The following EPB41L2 variants were observed in gnomAD, a reference collection of about 807,000 sequenced individuals.
EPB41L2 encodes band 4.1-like protein 2.
In EPB41L2, 43 loss-of-function variants were observed where a neutral mutation model predicts 113.0. The observed-to-expected ratio is 0.38, with a 90% CI of 0.30 to 0.49. The LOEUF (loss-of-function observed/expected upper bound fraction) is 0.49, where lower values mean the gene tolerates loss of function less well. Among genes scored for constraint, EPB41L2 ranks in the 20% least tolerant of loss-of-function variants. The pLI, the probability that EPB41L2 is intolerant of heterozygous loss-of-function variation, is 0.95. For synonymous variants in EPB41L2, 442 were observed against 436.7 expected, an observed-to-expected ratio of 1.01 and a Z score of -0.15; for missense variants, 1,147 against 1,223.4, an observed-to-expected ratio of 0.94 and a Z score of 0.93.
At chr6:130,950,116 T>G (rs1814362468) in intron 3 of EPB41L2, among the ~76,000 whole-genome samples, 1 of 152,180 alleles carries the variant, frequency 6.6e-6, no homozygotes, top group Non-Finnish European at 1.5e-5. Context: ...GGGTCAACTG[T>G]ATTTCAAATT....
At position 130,956,187 on chromosome 6, in the gene EPB41L2, T is replaced by G; in HGVS notation, c.299A>C (p.Lys100Thr). 1.9e-6 allele frequency: 3 copies of G among 1,614,232 alleles called. No individual in the cohort carries two copies. Among genetic ancestry groups the G allele is most frequent in the Non-Finnish European group, 2.5e-6 (3 of 1,180,040 alleles). ...TTCAACAACAGCTTGGGTAGGCTCT[T>G]TTTTATCTCCTCCATCTTTGGCCAC... ...LVVAKDGGDK[K>T]EPTQAVVEEQ... The change falls in exon 2 of 20, where the codon AAA becomes ACA. Residue 100 changes from lysine to threonine, a missense_variant. By Grantham distance (78) the Lys-to-Thr change is moderately conservative (BLOSUM62 -1). Transcript: ENST00000337057.
At chr6:131,057,154 T>C (rs1483606198) in intron 1 of EPB41L2, among the ~76,000 whole-genome samples, 2 of 152,204 alleles carry the variant, frequency 1.3e-5, no homozygotes, top group Non-Finnish European at 1.5e-5. Context: ...CTCAATCTTT[T>C]CTGTTTCCCA....
chr6:131,008,153 T>C (rs1294354105), intron 1 of EPB41L2, among the ~76,000 whole-genome samples: 3 of 151,998 alleles, frequency 2.0e-5, no homozygotes, highest in Non-Finnish European at 2.9e-5. Context: ...GGAAAAATGG[T>C]TTTGTGGGCT....
chr6:130,944,207 A>ACACACACACACACACACACACACAC (rs1378126473), intron 3 of EPB41L2, among the ~76,000 whole-genome samples: 1 of 151,080 alleles, frequency 6.6e-6, no homozygotes. Context: ...ACACACACAC[A>ACACACACACACACACACACACACAC]AATGCCCAAA....
intron 15 of EPB41L2, chr6:130,867,805 C>T: frequency 2.0e-6 from 1 of 492,502 alleles, no homozygotes; most frequent in South Asian, 2.1e-5. Context: ...TAGATACGTA[C>T]ATATATATGA....
chr6:130,973,026 C>T (rs1343855323), intron 1 of EPB41L2, among the ~76,000 whole-genome samples: 1 of 150,230 alleles, frequency 6.7e-6, no homozygotes, highest in Admixed American at 6.6e-5. Flanking sequence ...GCAGAAGAAT[C>T]GCTTGAACCC....
At chr6:130,898,264 G>GA (rs942251989) in intron 8 of EPB41L2, among the ~76,000 whole-genome samples, 28 of 152,206 alleles carry the variant, frequency 1.8e-4, no homozygotes, top group African/African-American at 5.8e-4. Context: ...CCACTGAGGA[G>GA]AAAAAGAGTG....
intron 14 of EPB41L2, among the ~76,000 whole-genome samples, chr6:130,871,947 A>G (rs1365533832): frequency 1.3e-5 from 2 of 152,208 alleles, no homozygotes; most frequent in Admixed American, 6.5e-5. Context: ...GGGTCATTCA[A>G]AAGCAATTAT....
intron 1 of EPB41L2, among the ~76,000 whole-genome samples, chr6:131,059,217 C>A (rs2128208277): frequency 6.6e-6 from 1 of 150,772 alleles, no homozygotes; most frequent in South Asian, 2.1e-4. Flanking sequence ...CGGGTTCACG[C>A]CATTCTCCTG....
chr6:130,974,782 G>A (rs1383760058), intron 1 of EPB41L2, among the ~76,000 whole-genome samples: 1 of 120,154 alleles, frequency 8.3e-6, no homozygotes, highest in Non-Finnish European at 1.6e-5. Flanking sequence ...CTGGAGTACA[G>A]TGGCGCGATC....
At chr6:130,971,842 C>T (rs1776864557) in intron 1 of EPB41L2, among the ~76,000 whole-genome samples, 2 of 152,148 alleles carry the variant, frequency 1.3e-5, no homozygotes, top group Admixed American at 1.3e-4. Flanking sequence ...AGAAAAACTG[C>T]AAATATATCA....
At chr6:131,023,737 ATC>A (rs1790091290) in intron 1 of EPB41L2, among the ~76,000 whole-genome samples, 1 of 84,048 alleles carries the variant, frequency 1.2e-5, no homozygotes, top group Admixed American at 1.2e-4. Flanking sequence ...GTGTATATAT[ATC>A]TATATATCTA....
Position 130,895,240 on chromosome 6 carries a change from T to C in EPB41L2, c.1237-121A>G. On this transcript the variant is annotated intron_variant, in intron 8 of 19. Transcript: ENST00000337057. ...CAGTTTAACAGGTTTGTATTTAAAG[T>C]TTAGTGACAAGTACGCACGTTAATG... is the stretch of plus-strand genomic sequence containing the variant. 3.4e-6 allele frequency: 4 copies of C among 1,167,502 alleles called. 1 individual carries two copies. In the South Asian group the frequency reaches 6.7e-5, roughly 20 times the overall value. 72.3% of individuals were successfully genotyped at this position (1,167,502 alleles called of 1,614,324 possible).
At chr6:131,058,512 C>T (rs549730867) in intron 1 of EPB41L2, among the ~76,000 whole-genome samples, 30 of 152,222 alleles carry the variant, frequency 2.0e-4, no homozygotes, top group African/African-American at 7.0e-4. Context: ...GAAACATTAC[C>T]CATTTCTATG....
chr6:130,991,932 C>T (rs1349620898), intron 1 of EPB41L2, among the ~76,000 whole-genome samples: 1 of 152,002 alleles, frequency 6.6e-6, no homozygotes, highest in East Asian at 1.9e-4. Context: ...AACATACACC[C>T]ACCCGTTGGC....
intron 1 of EPB41L2, among the ~76,000 whole-genome samples, chr6:131,048,774 T>G (rs757479984): frequency 1.3e-5 from 2 of 152,150 alleles, no homozygotes; most frequent in African/African-American, 2.4e-5. Context: ...GTAAAAAGTT[T>G]AAAAAAGAAG....
At chr6:130,929,888 C>CAG (rs1806164550) in intron 3 of EPB41L2, among the ~76,000 whole-genome samples, 1 of 147,712 alleles carries the variant, frequency 6.8e-6, no homozygotes, top group Non-Finnish European at 1.5e-5. Flanking sequence ...CACACACACA[C>CAG]ACACACACAT....
intron 3 of EPB41L2, among the ~76,000 whole-genome samples, chr6:130,927,185 T>C (rs933155620): frequency 6.6e-6 from 1 of 152,180 alleles, no homozygotes; most frequent in Non-Finnish European, 1.5e-5. Context: ...AGAATAGAAT[T>C]TTATTTTCTA....
chr6:131,006,491 G>A (rs62423598), intron 1 of EPB41L2, among the ~76,000 whole-genome samples: 42,489 of 151,162 alleles, frequency 0.28, 7,055 homozygotes, highest in Non-Finnish European at 0.37. Flanking sequence ...ACAAAACCCC[G>A]TCTCTACTAA....
Sources: gnomAD v4.1 joint callset for allele counts (sites outside exome capture counted in the v4.1 genomes callset) on GRCh38, gnomAD v4.1.1 for gene constraint, MANE v1.5 for transcripts, NCBI Gene and HGNC (gene_info 2026-07-23, HGNC 2026-07-21) for gene names.